The following LARGE1 variants were observed in gnomAD, a reference collection of about 807,000 sequenced individuals.
LARGE1 encodes xylosyl- and glucuronyltransferase LARGE1.
LARGE1 carries 43 observed loss-of-function variants against 87.6 expected under a neutral mutation model. The ratio of observed to expected loss-of-function variants is 0.49; its 90% CI spans 0.38 to 0.63. The LOEUF (loss-of-function observed/expected upper bound fraction) is 0.63, where lower values mean the gene tolerates loss of function less well. Ranked by LOEUF, LARGE1 falls within the 30% of genes least tolerant of loss-of-function variation. LARGE1 has a pLI of 0.00. For missense variants in LARGE1, 802 were observed against 1,000.2 expected (o/e 0.80, Z 2.67); for synonymous variants, 434 against 394.6 (o/e 1.10, Z -1.18).
At chr22:33,635,253 T>A (rs1602871832) in intron 3 of LARGE1, among the ~76,000 whole-genome samples, 1 of 152,286 alleles carries the variant, frequency 6.6e-6, no homozygotes, top group East Asian at 1.9e-4. Flanking sequence ...TATTTTTGGT[T>A]AAGTGATGGT....
In LARGE1 at chr22:33,304,336, G is replaced by A. The variant is rs370896246; in HGVS notation, c.1623C>T (p.Tyr541=). ...YHIVYKEGQF[Y]PVNLLRNVAM... ...CCACGTTGCGCAGCAGGTTCACGGG[G>A]TAGAACTGGCCCTCCTTGTACACGA... The change falls in exon 12 of 15, where the codon TAC becomes TAT. Residue 541 remains tyrosine, a synonymous_variant. Coordinates refer to ENST00000397394, the MANE Select transcript of LARGE1 (RefSeq NM_133642.5). 7 of 1,614,148 alleles carry A rather than the reference G, an allele frequency of 4.3e-6. No individual in the cohort carries two copies. In the African/African-American group the frequency reaches 6.7e-5, roughly 15 times the overall value.
chr22:33,222,430 A>G (rs552607595), intron 11 of LARGE1, among the ~76,000 whole-genome samples: 53 of 152,164 alleles, frequency 3.5e-4, no homozygotes, highest in Admixed American at 3.1e-3. Context: ...CCCCCCCACA[A>G]AAAATATGTC....
chr22:33,920,486 G>C (rs1167071114), upstream of LARGE1: 4 of 145,676 alleles, frequency 2.7e-5, no homozygotes, highest in Non-Finnish European at 6.1e-5. Flanking sequence ...TGGCCGGGCC[G>C]GGCGCCGAAC....
At chr22:33,410,696 T>C (rs2066278781) in intron 7 of LARGE1, among the ~76,000 whole-genome samples, 1 of 151,986 alleles carries the variant, frequency 6.6e-6, no homozygotes, top group South Asian at 2.1e-4. Context: ...AGTGTGAGAA[T>C]GGACTCATAT....
chr22:33,741,426 A>G (rs774927130), intron 2 of LARGE1, among the ~76,000 whole-genome samples: 1 of 152,280 alleles, frequency 6.6e-6, no homozygotes, highest in Non-Finnish European at 1.5e-5. Flanking sequence ...GTTGATAGCA[A>G]TATAAATATC....
chr22:33,591,554 C>A (rs1234391535), intron 5 of LARGE1, among the ~76,000 whole-genome samples: 3 of 152,180 alleles, frequency 2.0e-5, no homozygotes, highest in Non-Finnish European at 4.4e-5. Context: ...AGATACAAAT[C>A]TTTCATCAGA....
intron 12 of LARGE1, among the ~76,000 whole-genome samples, chr22:33,302,630 G>GTAAGAGAAAGATAC (rs1172781357): frequency 6.6e-6 from 1 of 152,164 alleles, no homozygotes; most frequent in Non-Finnish European, 1.5e-5. Flanking sequence ...GACAGAGGCA[G>GTAAGAGAAAGATAC]TAAGAGAAAG....
chr22:33,252,256 C>A (rs1415737565), intron 11 of LARGE1, among the ~76,000 whole-genome samples: 3 of 138,812 alleles, frequency 2.2e-5, no homozygotes, highest in East Asian at 4.9e-4. Context: ...TTCATTCCCC[C>A]CCCCCCCGCC....
chr22:33,530,323 A>C (rs1053899119), intron 6 of LARGE1, among the ~76,000 whole-genome samples: 34 of 152,344 alleles, frequency 2.2e-4, no homozygotes, highest in African/African-American at 7.0e-4. Context: ...CTTATGGCTT[A>C]CAGCACAGTT....
At chr22:33,460,255 T>C (rs1325617384) in intron 6 of LARGE1, among the ~76,000 whole-genome samples, 1 of 152,190 alleles carries the variant, frequency 6.6e-6, no homozygotes, top group Admixed American at 6.5e-5. Context: ...ATTATAATAA[T>C]TATCTTTAAC....
intron 4 of LARGE1, among the ~76,000 whole-genome samples, chr22:33,606,032 T>TGGGGGCC (rs2079246472): frequency 6.6e-6 from 1 of 151,038 alleles, no homozygotes. Flanking sequence ...GTATTAGGAG[T>TGGGGGCC]GGGGGCCGGG....
At chr22:33,669,938 C>A (rs1052039923) in intron 2 of LARGE1, among the ~76,000 whole-genome samples, 3 of 152,174 alleles carry the variant, frequency 2.0e-5, no homozygotes, top group Non-Finnish European at 2.9e-5. Context: ...TATTATAATT[C>A]ATGAGGCCTT....
intron 1 of LARGE1, among the ~76,000 whole-genome samples, chr22:33,812,866 C>G (rs2086539735): frequency 6.6e-6 from 1 of 152,194 alleles, no homozygotes; most frequent in Non-Finnish European, 1.5e-5. Flanking sequence ...AACTGTCTGT[C>G]CTTCAAGAAG....
intron 2 of LARGE1, among the ~76,000 whole-genome samples, chr22:33,695,966 C>T (rs374906561): frequency 3.9e-5 from 6 of 152,196 alleles, no homozygotes; most frequent in African/African-American, 1.4e-4. Context: ...CAAACTCGAT[C>T]TATTAGGAAT....
chr22:33,671,062 C>T (rs1656768888), intron 2 of LARGE1, among the ~76,000 whole-genome samples: 1 of 152,052 alleles, frequency 6.6e-6, no homozygotes, highest in South Asian at 2.1e-4. Context: ...GGACTCAAGC[C>T]CTGGTCGAAG....
rs559302078 is a variant in LARGE1 at position 33,274,685 on chromosome 22, G to T, written c.2074-61C>A. 4 of 1,446,902 alleles carry T rather than the reference G, an allele frequency of 2.8e-6. No homozygotes were observed. The South Asian group carries it at 4.6e-5, about 17-fold the overall frequency. 89.6% of individuals were successfully genotyped at this position (1,446,902 alleles called of 1,614,324 possible). A position where few individuals can be genotyped will look rare whatever the true frequency, so the allele number is the denominator to read the frequency against. On this transcript the variant is annotated intron_variant, in intron 14 of 14. Transcript: ENST00000397394. ...GAGCCGAGGGTCATGCATGATGAAG[G>T]CCCAAGCGAATGATTGAATGGCTAG...
In LARGE1 at chr22:33,832,327, C is replaced by T. The variant is rs577639931; in HGVS notation, c.-82-70769G>A. Among the ~76,000 whole-genome samples, 6 of 152,246 alleles carry T rather than the reference C, an allele frequency of 3.9e-5. No homozygotes were observed. The South Asian group carries it at 1.0e-3, about 26-fold the overall frequency. On this transcript the variant is annotated intron_variant, in intron 1 of 14. Coordinates refer to ENST00000397394, the MANE Select transcript of LARGE1 (RefSeq NM_133642.5). ...AGTCCCAGACAGCAAAGCCCAAGCCCGAGGTACCCTGTGAGCTCTGTCTAA... is the reference window on the plus strand; with the variant it reads ...AGTCCCAGACAGCAAAGCCCAAGCCTGAGGTACCCTGTGAGCTCTGTCTAA...
intron 1 of LARGE1, among the ~76,000 whole-genome samples, chr22:33,852,904 A>G (rs924646589): frequency 7.4e-5 from 11 of 148,076 alleles, no homozygotes; most frequent in Non-Finnish European, 1.0e-4. Context: ...AAGAAAAGTG[A>G]TAAGTGCTAT....
At chr22:33,690,921 T>C (rs940781204) in intron 2 of LARGE1, among the ~76,000 whole-genome samples, 2 of 152,170 alleles carry the variant, frequency 1.3e-5, no homozygotes, top group African/African-American at 4.8e-5. Flanking sequence ...GCTGAACTAG[T>C]GCCACAACAC....
Sources: gnomAD v4.1 joint callset for allele counts (sites outside exome capture counted in the v4.1 genomes callset) on GRCh38, gnomAD v4.1.1 for gene constraint, MANE v1.5 for transcripts, NCBI Gene and HGNC (gene_info 2026-07-23, HGNC 2026-07-21) for gene names.